Variants in ABHD2 observed in about 807,000 individuals in gnomAD.
ABHD2 encodes the protein monoacylglycerol lipase ABHD2.
Under a neutral mutation model 48.1 loss-of-function variants are expected in ABHD2, and 20 were observed. That is an observed-to-expected ratio of 0.42 (90% CI 0.29 to 0.60). The LOEUF is 0.60. Ranked by LOEUF, ABHD2 falls within the 20% of genes least tolerant of loss-of-function variation. ABHD2 has a pLI of 0.24. For synonymous variants in ABHD2, 209 were observed against 214.2 expected (o/e 0.98, Z 0.21); for missense variants, 405 against 550.9 (o/e 0.74, Z 2.65).
At chr15:89,048,518 G>T in the ABHD2 span, among the ~76,000 whole-genome samples, 1 of 152,084 alleles carries the variant, frequency 6.6e-6, no homozygotes, top group South Asian at 2.1e-4. Flanking sequence ...CATTCTCCCC[G>T]TCACTTTCAG....
chr15:89,118,077 T>C (rs2049989852), intron 3 of ABHD2, among the ~76,000 whole-genome samples: 1 of 152,220 alleles, frequency 6.6e-6, no homozygotes, highest in Non-Finnish European at 1.5e-5. Context: ...ATGGTGTTCT[T>C]ATATGCAGTG....
intron 3 of ABHD2, among the ~76,000 whole-genome samples, chr15:89,118,586 C>T (rs1240401509): frequency 6.6e-6 from 1 of 152,152 alleles, no homozygotes; most frequent in East Asian, 1.9e-4. Flanking sequence ...TTTGTCATCT[C>T]ATTCTTAGAG....
At chr15:89,123,093 T>C (rs1256641750) in intron 3 of ABHD2, among the ~76,000 whole-genome samples, 1 of 152,202 alleles carries the variant, frequency 6.6e-6, no homozygotes, top group Non-Finnish European at 1.5e-5. Context: ...TTGTTCTCTG[T>C]GGATTTGAGA....
intron 3 of ABHD2, among the ~76,000 whole-genome samples, chr15:89,126,330 A>T (rs2050130787): frequency 6.6e-6 from 1 of 152,178 alleles, no homozygotes; most frequent in Non-Finnish European, 1.5e-5. Flanking sequence ...CTTTTAGCTT[A>T]CACCTCATTT....
Position 89,135,143 on chromosome 15 carries a change from C to CTTTTCTTTTTTTT in ABHD2, c.195-16530_195-16529insCTTTTTTTTTTTT, listed in dbSNP as rs1555429068. ...GTCAACAAAATGGCTACAACTTTTT[C>CTTTTCTTTTTTTT]TTTTTTTTTTTTTTTTTTGCAATTA... On this transcript the variant is annotated intron_variant, in intron 3 of 10. Coordinates refer to ENST00000352732, the MANE Select transcript of ABHD2 (RefSeq NM_152924.5). 2.9e-3 allele frequency among the ~76,000 whole-genome samples: 326 copies of CTTTTCTTTTTTTT among 112,030 alleles called. 6 individuals are homozygous for CTTTTCTTTTTTTT. Among genetic ancestry groups the CTTTTCTTTTTTTT allele is most frequent in the Non-Finnish European group, 4.1e-3 (214 of 52,776 alleles). The allele number at this position is 112,030 out of a possible 152,430, so 73.5% of individuals were successfully genotyped here. A position where few individuals can be genotyped will look rare whatever the true frequency, so the allele number is the denominator to read the frequency against.
chr15:89,167,567 TA>T lies in ABHD2; in HGVS notation c.539-8244del. ...GATGATATCTGAATACTTAAACCTT[TA>T]GCCATAAGAGGGCAGTTTTAGGCAT... On this transcript the variant is annotated intron_variant, in intron 5 of 10. Transcript: ENST00000352732. The surrounding 1 kb of genome is among the most constrained non-coding windows in gnomAD (Gnocchi z 5.5). 6.6e-6 allele frequency among the ~76,000 whole-genome samples: 1 copy of T among 152,314 alleles called. No homozygotes were observed. Among genetic ancestry groups the T allele is most frequent in the South Asian group, 2.1e-4 (1 of 4,822 alleles).
At chr15:89,074,258 C>T in the ABHD2 span, among the ~76,000 whole-genome samples, 1 of 152,106 alleles carries the variant, frequency 6.6e-6, no homozygotes, top group Non-Finnish European at 1.5e-5. Context: ...CTCCTGTAAT[C>T]CCAGCTACTC....
chr15:89,116,255 G>A lies in ABHD2; in HGVS notation c.-6-67G>A. ...GTATCTCTTAGCCCACCATGCGTCT[G>A]TAGGGTGGTGGGCACCACCCGTCCT... On this transcript the variant is annotated intron_variant, in intron 2 of 10. Transcript: ENST00000352732. The surrounding 1 kb of genome is among the most constrained non-coding windows in gnomAD (Gnocchi z 4.6). 2.1e-6 allele frequency: 3 copies of A among 1,460,776 alleles called. No homozygotes were observed. The highest frequency in any genetic ancestry group is 2.8e-6 in the Non-Finnish European group (3 of 1,067,342). The allele number at this position is 1,460,776 out of a possible 1,614,324, so 90.5% of individuals were successfully genotyped here. A position where few individuals can be genotyped will look rare whatever the true frequency, so the allele number is the denominator to read the frequency against.
Position 89,102,125 on chromosome 15 carries a change from C to T in ABHD2, c.-106-11600C>T, listed in dbSNP as rs992089365. 2.6e-5 allele frequency among the ~76,000 whole-genome samples: 4 copies of T among 152,162 alleles called. No homozygotes were observed. Among genetic ancestry groups the T allele is most frequent in the Admixed American group, 6.5e-5 (1 of 15,272 alleles). On this transcript the variant is annotated intron_variant, in intron 1 of 10. Transcript: ENST00000352732. This position sits in a 1 kb window ranked among gnomAD's most constrained non-coding sequence, Gnocchi z 4.8. ...CTTGTCCATCTGCCCATTTCCTGACCGCCCAGCATTCTTGGGCCTTGGCTC... is the reference window on the plus strand; with the variant it reads ...CTTGTCCATCTGCCCATTTCCTGACTGCCCAGCATTCTTGGGCCTTGGCTC...
chr15:89,071,202 C>T, the ABHD2 span, among the ~76,000 whole-genome samples: 1 of 152,090 alleles, frequency 6.6e-6, no homozygotes, highest in African/African-American at 2.4e-5. Flanking sequence ...AGTGGATCAC[C>T]TGAGGTCAGG....
intron 3 of ABHD2, among the ~76,000 whole-genome samples, chr15:89,127,706 C>CATACAT (rs58331064): frequency 7.7e-5 from 10 of 129,914 alleles, no homozygotes; most frequent in African/African-American, 3.2e-4. Flanking sequence ...TATATATATA[C>CATACAT]ATATATATAT....
At chr15:89,122,003 T>A (rs139132903) in intron 3 of ABHD2, among the ~76,000 whole-genome samples, 12 of 152,160 alleles carry the variant, frequency 7.9e-5, no homozygotes, top group East Asian at 1.9e-4. Flanking sequence ...ATTTTTAAAA[T>A]TTTTTTTATA....
chr15:89,162,942 A>C (rs992833958), intron 5 of ABHD2, among the ~76,000 whole-genome samples: 9 of 152,220 alleles, frequency 5.9e-5, no homozygotes, highest in African/African-American at 1.7e-4. Flanking sequence ...CTGAATGCCT[A>C]CTGAGATGGG....
At chr15:89,064,990 A>G in the ABHD2 span, among the ~76,000 whole-genome samples, 16 of 152,068 alleles carry the variant, frequency 1.1e-4, no homozygotes, top group African/African-American at 3.9e-4. Flanking sequence ...TGTGTTAACC[A>G]TTCCCATGCT....
At chr15:89,125,269 AGTT>A (rs1404882892) in intron 3 of ABHD2, among the ~76,000 whole-genome samples, 1 of 151,014 alleles carries the variant, frequency 6.6e-6, no homozygotes. Flanking sequence ...AAAAAAAAAG[AGTT>A]GTGCAAATAT....
chr15:89,045,222 C>A, the ABHD2 span, among the ~76,000 whole-genome samples: 1 of 150,668 alleles, frequency 6.6e-6, no homozygotes, highest in African/African-American at 2.4e-5. Flanking sequence ...TGTAGATATG[C>A]GGCGTTATTT....
At chr15:89,063,638 C>G in the ABHD2 span, among the ~76,000 whole-genome samples, 1 of 151,928 alleles carries the variant, frequency 6.6e-6, no homozygotes, top group Non-Finnish European at 1.5e-5. Context: ...TGTTGTAAAA[C>G]ATAAATAACA....
the ABHD2 span, among the ~76,000 whole-genome samples, chr15:89,069,216 C>G: frequency 6.6e-6 from 1 of 150,744 alleles, no homozygotes; most frequent in African/African-American, 2.4e-5. Flanking sequence ...GCCTCAAACT[C>G]CTGGGCTCAC....
chr15:89,151,123 C>G lies in ABHD2; in HGVS notation c.195-554C>G, dbSNP rs896981145. Among the ~76,000 whole-genome samples, 4 of 152,226 alleles carry G rather than the reference C, an allele frequency of 2.6e-5. No homozygotes were observed. Among genetic ancestry groups the G allele is most frequent in the Non-Finnish European group, 4.4e-5 (3 of 68,044 alleles). On this transcript the variant is annotated intron_variant, in intron 3 of 10. Coordinates refer to ENST00000352732, the MANE Select transcript of ABHD2 (RefSeq NM_152924.5). The surrounding 1 kb of genome is among the most constrained non-coding windows in gnomAD (Gnocchi z 4.7). ...TGCCCTTACAGCATATTCTCTGGAG[C>G]ATAGAGTAGTGCCCTCACCCCACAA... is the stretch of plus-strand genomic sequence containing the variant.
Sources: gnomAD v4.1 joint callset for allele counts (sites outside exome capture counted in the v4.1 genomes callset) on GRCh38, gnomAD v4.1.1 for gene constraint, Gnocchi (gnomAD v3.1) non-coding constraint, MANE v1.5 for transcripts, NCBI Gene and HGNC (gene_info 2026-07-23, HGNC 2026-07-21) for gene names.